KCNH7: variants seen among roughly 807,000 people sequenced by gnomAD.
KCNH7 encodes potassium voltage-gated channel subfamily H member 7.
In KCNH7, 49 loss-of-function variants were observed where a neutral mutation model predicts 120.8. That is an observed-to-expected ratio of 0.41 (90% CI 0.32 to 0.51). The LOEUF is 0.51. Ranked by LOEUF, KCNH7 falls within the 20% of genes least tolerant of loss-of-function variation. KCNH7 has a pLI of 0.38. For missense variants in KCNH7, 1,097 were observed against 1,446.6 expected (o/e 0.76, Z 3.92); for synonymous variants, 547 against 516.1 (o/e 1.06, Z -0.81).
intron 2 of KCNH7, among the ~76,000 whole-genome samples, chr2:162,555,604 G>A (rs1184420025): frequency 6.6e-6 from 1 of 152,082 alleles, no homozygotes; most frequent in Non-Finnish European, 1.5e-5. Flanking sequence ...AGTTCTGTTT[G>A]TGACAAGCTT....
At chr2:162,414,569 C>A (rs1173718863) in intron 9 of KCNH7, among the ~76,000 whole-genome samples, 2 of 151,654 alleles carry the variant, frequency 1.3e-5, no homozygotes, top group Non-Finnish European at 2.9e-5. Flanking sequence ...ACATGGACTG[C>A]ACATAATTAA....
intron 2 of KCNH7, among the ~76,000 whole-genome samples, chr2:162,619,734 C>T (rs1383698480): frequency 2.0e-5 from 3 of 152,050 alleles, no homozygotes; most frequent in East Asian, 1.9e-4. Flanking sequence ...GCAAATTAAT[C>T]TCCAGATCCT....
intron 2 of KCNH7, among the ~76,000 whole-genome samples, chr2:162,621,653 T>G (rs1033460460): frequency 1.3e-5 from 2 of 152,202 alleles, no homozygotes; most frequent in Non-Finnish European, 2.9e-5. Context: ...ATTCAGTACT[T>G]ACTCTGTGCC....
intron 5 of KCNH7, among the ~76,000 whole-genome samples, chr2:162,509,958 C>T (rs1188905983): frequency 2.6e-5 from 4 of 151,242 alleles, no homozygotes; most frequent in Non-Finnish European, 4.4e-5. Context: ...GACTTATTTA[C>T]GAAGTAGAGA....
rs573546302 is a variant in KCNH7, at chr2:162,476,646, A to C, written c.1128+27797T>G. On this transcript the variant is annotated intron_variant, in intron 6 of 15. Transcript: ENST00000332142. ...TAGTATACTTTACTAAATATATTTT[A>C]AAACATCTTTCAATACAACTAATCT... Among the ~76,000 whole-genome samples the C allele has an allele frequency of 7.4e-4, 112 of 152,322 alleles. 1 individual carries two copies. The highest frequency in any genetic ancestry group is 2.5e-3 in the African/African-American group (102 of 41,580).
intron 2 of KCNH7, among the ~76,000 whole-genome samples, chr2:162,663,699 A>C (rs1230907966): frequency 6.6e-6 from 1 of 152,110 alleles, no homozygotes; most frequent in Non-Finnish European, 1.5e-5. Context: ...CCCTAATATT[A>C]GTATTGAAAA....
chr2:162,714,397 G>A lies in KCNH7; in HGVS notation c.307+122140C>T, dbSNP rs138568759. The stretch of plus-strand genomic sequence containing the variant: ...GTTGAAATATTAAAACAAAAGAGCC[G>A]TGAGGGAGGAAAATAAGGTATGTAT... On this transcript the variant is annotated intron_variant, in intron 2 of 15. Transcript: ENST00000332142. Among the ~76,000 whole-genome samples the A allele has an allele frequency of 2.9e-3, 439 of 152,220 alleles. 3 individuals are homozygous for A. The highest frequency in any genetic ancestry group is 9.9e-3 in the African/African-American group (410 of 41,530).
Position 162,515,236 on chromosome 2 carries a change from G to GA in KCNH7, c.892+2493dup, listed in dbSNP as rs571596270. Among the ~76,000 whole-genome samples the GA allele has an allele frequency of 8.6e-5, 13 of 151,756 alleles. No individual in the cohort carries two copies. In the East Asian group the frequency reaches 2.2e-3, roughly 25 times the overall value. ...ATAACAGCTTACTTTGGGTGAGGGG[G>GA]AAAAATCGAGGATGATCTTAGCACC... On this transcript the variant is annotated intron_variant, in intron 4 of 15. Coordinates refer to ENST00000332142, the MANE Select transcript of KCNH7 (RefSeq NM_033272.4).
chr2:162,424,901 C>G (rs1362608291), intron 8 of KCNH7, among the ~76,000 whole-genome samples: 1 of 152,104 alleles, frequency 6.6e-6, no homozygotes, highest in Non-Finnish European at 1.5e-5. Flanking sequence ...GACTGGGCCA[C>G]AGTGTGCCTG....
intron 2 of KCNH7, chr2:162,785,240 A>T (rs1683653830): frequency 6.6e-6 from 1 of 152,250 alleles, no homozygotes; most frequent in African/African-American, 2.4e-5. Context: ...TTTGAAAGAA[A>T]ATATTAGCTT....
At chr2:162,492,595 G>A (rs1690345698) in intron 6 of KCNH7, among the ~76,000 whole-genome samples, 1 of 152,012 alleles carries the variant, frequency 6.6e-6, no homozygotes, top group South Asian at 2.1e-4. Flanking sequence ...TCCAGATTTT[G>A]TAAAAACTGT....
At chr2:162,501,124 G>A (rs1690672076) in intron 6 of KCNH7, among the ~76,000 whole-genome samples, 1 of 152,004 alleles carries the variant, frequency 6.6e-6, no homozygotes, top group African/African-American at 2.4e-5. Context: ...GTCACTAAGA[G>A]CTAAAAGGGG....
intron 12 of KCNH7, among the ~76,000 whole-genome samples, chr2:162,391,637 G>A (rs1686748441): frequency 1.3e-5 from 2 of 152,164 alleles, no homozygotes; most frequent in African/African-American, 4.8e-5. Context: ...CAACAGAAAT[G>A]TCTAGTTACA....
At chr2:162,678,350 A>T (rs1300219253) in intron 2 of KCNH7, among the ~76,000 whole-genome samples, 1 of 151,376 alleles carries the variant, frequency 6.6e-6, no homozygotes, top group East Asian at 1.9e-4. Flanking sequence ...AAGCATTGAT[A>T]ACATTGCTAA....
At chr2:162,753,046 A>C (rs1436326513) in intron 2 of KCNH7, among the ~76,000 whole-genome samples, 1 of 133,564 alleles carries the variant, frequency 7.5e-6, no homozygotes, top group Non-Finnish European at 1.6e-5. Flanking sequence ...GACTAATAAT[A>C]ATCAATCCTA....
chr2:162,537,257 T>C (rs1692140970), intron 2 of KCNH7, among the ~76,000 whole-genome samples, 177 bp from the exon 3 acceptor site: 1 of 152,084 alleles, frequency 6.6e-6, no homozygotes, highest in Non-Finnish European at 1.5e-5. Flanking sequence ...TCATTTAAAA[T>C]ACATATGTCT....
chr2:162,534,405 G>C (rs1692035431), intron 3 of KCNH7, among the ~76,000 whole-genome samples: 1 of 151,116 alleles, frequency 6.6e-6, no homozygotes, highest in African/African-American at 2.4e-5. Context: ...TAAAAGAAAT[G>C]AGAAATTTCA....
At chr2:162,676,695 A>C (rs1211911410) in intron 2 of KCNH7, among the ~76,000 whole-genome samples, 1 of 151,536 alleles carries the variant, frequency 6.6e-6, no homozygotes, top group African/African-American at 2.4e-5. Flanking sequence ...TGGTGCAAAC[A>C]GAAGTACCTT....
At chr2:162,620,053 A>G (rs1411134169) in intron 2 of KCNH7, among the ~76,000 whole-genome samples, 2 of 151,536 alleles carry the variant, frequency 1.3e-5, no homozygotes, top group African/African-American at 4.8e-5. Context: ...ATATACATAT[A>G]TATGTTTGAG....
Sources: gnomAD v4.1 joint callset for allele counts (sites outside exome capture counted in the v4.1 genomes callset) on GRCh38, gnomAD v4.1.1 for gene constraint, MANE v1.5 for transcripts, NCBI Gene and HGNC (gene_info 2026-07-23, HGNC 2026-07-21) for gene names.